SCAP: variants seen among roughly 807,000 people sequenced by gnomAD.
SCAP encodes SREBF chaperone.
SCAP carries 65 observed loss-of-function variants against 123.6 expected under a neutral mutation model. That is an observed-to-expected ratio of 0.53 (90% CI 0.43 to 0.65). The LOEUF (loss-of-function observed/expected upper bound fraction) is 0.65, where lower values mean the gene tolerates loss of function less well. Among genes scored for constraint, SCAP ranks in the 30% least tolerant of loss-of-function variants. The pLI is 0.00. For synonymous variants in SCAP, 740 were observed against 726.3 expected, an observed-to-expected ratio of 1.02 and a Z score of -0.30; for missense variants, 1,398 against 1,712.5, an observed-to-expected ratio of 0.82 and a Z score of 3.24.
At chr3:47,464,083 T>G (rs1707741429) in intron 1 of SCAP, among the ~76,000 whole-genome samples, 1 of 152,192 alleles carries the variant, frequency 6.6e-6, no homozygotes, top group East Asian at 1.9e-4. Flanking sequence ...TGGCATGATC[T>G]CAGCTCACTG....
chr3:47,414,528 G>A, intron 21 of SCAP, 44 bp downstream of exon 21: 1 of 1,610,042 alleles, frequency 6.2e-7, no homozygotes, highest in Non-Finnish European at 8.5e-7. Flanking sequence ...AGCAAACATG[G>A]GCCACAGACT....
At chr3:47,475,390 A>G (rs1708228102) in intron 1 of SCAP, 1 of 152,276 alleles carries the variant, frequency 6.6e-6, no homozygotes, top group Non-Finnish European at 1.5e-5. Context: ...TTGTCTCTCA[A>G]TAAGATCTTC....
intron 6 of SCAP, among the ~76,000 whole-genome samples, chr3:47,426,522 C>T (rs1257357407): frequency 2.6e-5 from 4 of 152,320 alleles, no homozygotes; most frequent in African/African-American, 9.6e-5. Context: ...ACTGCAAGCT[C>T]CGCCTCCTGG....
intron 1 of SCAP, among the ~76,000 whole-genome samples, chr3:47,459,681 C>A: frequency 6.6e-6 from 1 of 152,122 alleles, no homozygotes; most frequent in East Asian, 1.9e-4. Context: ...AAAAGGAGAA[C>A]AAAGATCACA....
At chr3:47,452,928 A>C (rs1468004397) in intron 1 of SCAP, among the ~76,000 whole-genome samples, 2 of 966 alleles carry the variant, frequency 2.1e-3, no homozygotes, top group African/African-American at 2.2e-3. Context: ...TGTCTCTACA[A>C]AAAAAAAAAA....
chr3:47,457,964 T>C (rs903123108), intron 1 of SCAP, among the ~76,000 whole-genome samples: 1 of 151,760 alleles, frequency 6.6e-6, no homozygotes, highest in Non-Finnish European at 1.5e-5. Context: ...GCCAGTAACC[T>C]GGGAGAATTT....
At chr3:47,441,874 C>CTTTTTTTTTT (rs1160447716) in intron 2 of SCAP, among the ~76,000 whole-genome samples, 9 of 76,398 alleles carry the variant, frequency 1.2e-4, no homozygotes, top group Non-Finnish European at 1.6e-4. Flanking sequence ...GTTCATCTTT[C>CTTTTTTTTTT]TTTTTTTTTT....
In SCAP at chr3:47,418,258, G is replaced by A. The variant is rs910050687; in HGVS notation, c.2332-9C>T. The A allele has an allele frequency of 1.1e-5, 17 of 1,559,920 alleles. No homozygotes were observed. Among genetic ancestry groups the A allele is most frequent in the Non-Finnish European group, 6.1e-6 (7 of 1,152,300 alleles). On this transcript the variant is annotated splice_polypyrimidine_tract_variant and intron_variant, in intron 15 of 22. Transcript: ENST00000265565. ...GCCAGGCACTCGATGTCCTGCAGAA[G>A]CCCGGTGTTGGTATGGGCCAGGCTC...
Position 47,417,670 on chromosome 3 carries a change from C to G in SCAP, c.2604G>C (p.Gly868=), listed in dbSNP as rs1705655634. Residue 868 remains glycine (G), a synonymous_variant, in exon 17 of 23, where the codon GGG becomes GGC. Transcript: ENST00000265565. Reference sequence around the variant, plus strand: ...TTAAGCAGGTGAGGTCAGGCTGGTCCCCGAAGAGGGAAGGCGGCGGAGGGC... The same window carrying G: ...TTAAGCAGGTGAGGTCAGGCTGGTCGCCGAAGAGGGAAGGCGGCGGAGGGC... ...PRGPPPPSLF[G]DQPDLTCLID... is the part of the protein sequence containing the mutation. The G allele has an allele frequency of 1.2e-6, 2 of 1,609,034 alleles. No individual in the cohort carries two copies. Among genetic ancestry groups the G allele is most frequent in the African/African-American group, 2.7e-5 (2 of 74,284 alleles).
chr3:47,423,068 C>T (rs2107801419), intron 9 of SCAP, among the ~76,000 whole-genome samples: 1 of 152,320 alleles, frequency 6.6e-6, no homozygotes, highest in South Asian at 2.1e-4. Context: ...GACAATTTCG[C>T]CCCATCTCTT....
intron 1 of SCAP, among the ~76,000 whole-genome samples, chr3:47,474,524 G>A (rs1308781916): frequency 2.0e-5 from 3 of 152,148 alleles, no homozygotes; most frequent in Non-Finnish European, 4.4e-5. Flanking sequence ...GCCGGGCACG[G>A]TGGTTCACGC....
intron 1 of SCAP, among the ~76,000 whole-genome samples, chr3:47,448,495 C>CA: frequency 6.6e-6 from 1 of 152,080 alleles, no homozygotes; most frequent in East Asian, 1.9e-4. Context: ...TTTGAGACTT[C>CA]AAAAACATAA....
intron 3 of SCAP, among the ~76,000 whole-genome samples, chr3:47,432,460 T>C (rs1706403804): frequency 6.6e-6 from 1 of 152,104 alleles, no homozygotes. Flanking sequence ...GAAAAATCTT[T>C]GTCTTCTCTT....
chr3:47,425,057 T>C (rs1706064303), intron 8 of SCAP, among the ~76,000 whole-genome samples: 1 of 151,742 alleles, frequency 6.6e-6, no homozygotes, highest in African/African-American at 2.4e-5. Context: ...GTTCTAATCA[T>C]GAAAAAAAAA....
intron 1 of SCAP, chr3:47,470,018 G>A (rs1707972615): frequency 3.1e-6 from 1 of 325,128 alleles, no homozygotes; most frequent in Non-Finnish European, 6.2e-6. Flanking sequence ...AATATCGTTT[G>A]GCATTCTTAG....
chr3:47,436,984 G>A (rs1361905358), intron 2 of SCAP, among the ~76,000 whole-genome samples: 1 of 152,154 alleles, frequency 6.6e-6, no homozygotes, highest in Non-Finnish European at 1.5e-5. Flanking sequence ...TTTTGTGACT[G>A]GCTGCTTTCA....
intron 1 of SCAP, among the ~76,000 whole-genome samples, chr3:47,473,792 G>A (rs988677169): frequency 6.6e-6 from 1 of 152,076 alleles, no homozygotes; most frequent in Non-Finnish European, 1.5e-5. Flanking sequence ...TCCTTTTTTA[G>A]TTTATTTAAT....
chr3:47,425,645 C>T (rs766360156), intron 7 of SCAP, 34 bp from the exon 8 acceptor site: 2 of 1,609,000 alleles, frequency 1.2e-6, no homozygotes, highest in East Asian at 2.2e-5. Context: ...AGGGCGGCCC[C>T]TCCCCCAGCC....
intron 3 of SCAP, among the ~76,000 whole-genome samples, chr3:47,433,024 A>G (rs1404284865): frequency 6.6e-6 from 1 of 152,236 alleles, no homozygotes; most frequent in Non-Finnish European, 1.5e-5. Context: ...TGCTAGGGCC[A>G]CTGTTGGGAA....
Sources: allele counts gnomAD v4.1 joint callset (sites outside exome capture counted in the v4.1 genomes callset), GRCh38; gene constraint gnomAD v4.1.1; transcripts MANE v1.5; gene names NCBI Gene and HGNC (gene_info 2026-07-23, HGNC 2026-07-21).